FNIP1: variants seen among roughly 807,000 people sequenced by gnomAD.
The protein encoded by FNIP1 is folliculin-interacting protein 1.
A neutral mutation model predicts 124.5 loss-of-function variants in FNIP1; 40 were observed. That is an observed-to-expected ratio of 0.32 (90% CI 0.25 to 0.42). The LOEUF (loss-of-function observed/expected upper bound fraction) is 0.42, where lower values mean the gene tolerates loss of function less well. Among genes scored for constraint, FNIP1 ranks in the 10% least tolerant of loss-of-function variants. The pLI, the probability that FNIP1 is intolerant of heterozygous loss-of-function variation, is 1.00. For missense variants in FNIP1, 1,176 were observed against 1,403.7 expected (o/e 0.84, Z 2.59); for synonymous variants, 472 against 470.6 (o/e 1.00, Z -0.04).
At chr5:131,646,998 C>T in intron 17 of FNIP1, 92 bp downstream of exon 17, 2 of 1,045,342 alleles carry the variant, frequency 1.9e-6, no homozygotes, top group Non-Finnish European at 3.0e-6. Flanking sequence ...TAGGAGAAGA[C>T]ACGTAAAAGG....
chr5:131,651,512 T>C (rs576361372), intron 16 of FNIP1, among the ~76,000 whole-genome samples: 3 of 152,338 alleles, frequency 2.0e-5, no homozygotes, highest in East Asian at 1.9e-4. Flanking sequence ...GGCAGACAGC[T>C]GTTTTCTCAC....
chr5:131,716,536 A>G (rs764672453), intron 6 of FNIP1, 29 bp downstream of exon 6: 1 of 1,456,762 alleles, frequency 6.9e-7, no homozygotes, highest in South Asian at 1.2e-5. Context: ...AGTATTTTTT[A>G]AACTTATAAA....
chr5:131,788,571 C>T (rs1036123770), intron 1 of FNIP1, among the ~76,000 whole-genome samples: 6 of 151,688 alleles, frequency 4.0e-5, no homozygotes, highest in African/African-American at 1.2e-4. Flanking sequence ...CGTGGTGGCA[C>T]GTGCCTGTAA....
Position 131,672,910 on chromosome 5 carries a change from C to T in FNIP1, c.1534G>A (p.Ala512Thr), listed in dbSNP as rs575638728. 1.5e-5 allele frequency: 23 copies of T among 1,549,480 alleles called. No individual in the cohort carries two copies. Among genetic ancestry groups the T allele is most frequent in the Admixed American group, 1.3e-4 (6 of 47,518 alleles). Reference sequence around the variant, plus strand: ...GCTAACCGTACGGGAGAGCCAATAGCGCCATACAAGTCTCCTGTAATGGAA... The same window carrying T: ...GCTAACCGTACGGGAGAGCCAATAGTGCCATACAAGTCTCCTGTAATGGAA... ...LWAQLGDLYG[A>T]IGSPVRLART... is the part of the protein sequence containing the mutation. The change falls in exon 14 of 18, where the codon GCT (alanine) becomes ACT (threonine). Residue 512 changes from alanine to threonine, a missense_variant. By Grantham distance (58) the Ala-to-Thr change is moderately conservative. Coordinates refer to ENST00000510461, the MANE Select transcript of FNIP1 (RefSeq NM_133372.3).
At chr5:131,768,979 C>T (rs922344358) in intron 1 of FNIP1, among the ~76,000 whole-genome samples, 8 of 151,798 alleles carry the variant, frequency 5.3e-5, no homozygotes, top group African/African-American at 1.5e-4. Flanking sequence ...TAGAGAATAC[C>T]GTTAACTATA....
At chr5:131,713,919 G>T (rs1163640343) in intron 6 of FNIP1, among the ~76,000 whole-genome samples, 1 of 152,170 alleles carries the variant, frequency 6.6e-6, no homozygotes, top group Non-Finnish European at 1.5e-5. Context: ...CCACTTATCT[G>T]AATCCATTCC....
chr5:131,693,344 A>ATATATATATG (rs1580760511), intron 11 of FNIP1, among the ~76,000 whole-genome samples: 1 of 130,562 alleles, frequency 7.7e-6, no homozygotes, highest in Non-Finnish European at 1.6e-5. Flanking sequence ...ATATATATAT[A>ATATATATATG]TATATATATA....
At chr5:131,731,961 C>CTAA (rs1276374289) in intron 2 of FNIP1, among the ~76,000 whole-genome samples, 2 of 152,168 alleles carry the variant, frequency 1.3e-5, no homozygotes, top group African/African-American at 4.8e-5. Context: ...TGAGAATATA[C>CTAA]TAATGTAATA....
intron 1 of FNIP1, among the ~76,000 whole-genome samples, chr5:131,783,057 T>C (rs889408489): frequency 1.3e-5 from 2 of 152,252 alleles, no homozygotes; most frequent in African/African-American, 4.8e-5. Flanking sequence ...GTAGTGTAAA[T>C]GTAACTTTTA....
At chr5:131,762,957 G>A (rs772604606) in intron 1 of FNIP1, among the ~76,000 whole-genome samples, 2 of 152,106 alleles carry the variant, frequency 1.3e-5, no homozygotes, top group Non-Finnish European at 2.9e-5. Flanking sequence ...AATTGTGGGA[G>A]CTAAAAATTA....
chr5:131,655,342 AAAAC>A (rs969510285), intron 15 of FNIP1, among the ~76,000 whole-genome samples: 4 of 152,170 alleles, frequency 2.6e-5, no homozygotes, highest in Non-Finnish European at 4.4e-5. Context: ...GACCCATCTC[AAAAC>A]AAACAAACAA....
intron 15 of FNIP1, among the ~76,000 whole-genome samples, chr5:131,656,907 C>T (rs1311752674): frequency 6.6e-6 from 1 of 151,956 alleles, no homozygotes; most frequent in Non-Finnish European, 1.5e-5. Context: ...GAGCTGCTAA[C>T]CTCTGGACCT....
At chr5:131,770,118 A>G (rs1005485177) in intron 1 of FNIP1, among the ~76,000 whole-genome samples, 10 of 152,174 alleles carry the variant, frequency 6.6e-5, no homozygotes, top group Non-Finnish European at 1.5e-4. Context: ...CTGCTATTTC[A>G]GACAAGTCCA....
intron 6 of FNIP1, among the ~76,000 whole-genome samples, chr5:131,711,784 C>T (rs565853655): frequency 7.2e-4 from 110 of 152,348 alleles, no homozygotes; most frequent in Admixed American, 2.8e-3. Context: ...GCATGAGCCA[C>T]TGTATCCAGC....
chr5:131,671,847 A>G lies in FNIP1; in HGVS notation c.2597T>C (p.Met866Thr), dbSNP rs1184938316. 4 of 1,614,096 alleles carry G rather than the reference A, an allele frequency of 2.5e-6. No homozygotes were observed. Among genetic ancestry groups the G allele is most frequent in the Non-Finnish European group, 2.5e-6 (3 of 1,180,006 alleles). Residue 866 changes from methionine (M) to threonine (T), a missense_variant, in exon 14 of 18, where the codon ATG (methionine) becomes ACG (threonine). Physicochemically the swap from Met to Thr is moderately conservative, Grantham distance 81. Around this residue, in one of 2 missense-constraint regions of FNIP1, gnomAD observed 1,109 missense variants for 1,288.5 expected, o/e 0.86. Transcript: ENST00000510461. ...TSTDSKDHCCMLEFSKILCTK... is the reference protein window; with the variant it reads ...TSTDSKDHCCTLEFSKILCTK... ...ACACAATATTTTTGAAAACTCTAAC[A>G]TACAGCAATGGTCTTTACTATCTGT...
intron 1 of FNIP1, among the ~76,000 whole-genome samples, chr5:131,766,255 T>G (rs151243670): frequency 0.011 from 1,722 of 152,188 alleles, 22 homozygotes; most frequent in African/African-American, 0.039. Context: ...TGGCCCAGGC[T>G]GGTCTCAAAC....
At chr5:131,705,988 G>T (rs1174959930) in intron 9 of FNIP1, among the ~76,000 whole-genome samples, 1 of 152,000 alleles carries the variant, frequency 6.6e-6, no homozygotes, top group Admixed American at 6.5e-5. Context: ...ATGAAATAAG[G>T]CAGACACAAA....
At chr5:131,750,551 CTA>C (rs1770836741) in intron 1 of FNIP1, among the ~76,000 whole-genome samples, 2 of 151,026 alleles carry the variant, frequency 1.3e-5, no homozygotes, top group Admixed American at 6.6e-5. Flanking sequence ...AGTCAATAGA[CTA>C]TGATAGAAGG....
intron 15 of FNIP1, among the ~76,000 whole-genome samples, chr5:131,668,654 C>T (rs1470530516): frequency 2.0e-5 from 3 of 152,142 alleles, no homozygotes; most frequent in Admixed American, 2.0e-4. Context: ...CACTGTACTC[C>T]AGCCTGGGTA....
Sources: allele counts gnomAD v4.1 joint callset (sites outside exome capture counted in the v4.1 genomes callset), GRCh38; gene constraint gnomAD v4.1.1; regional missense constraint gnomAD v4.1.1; transcripts MANE v1.5; gene names NCBI Gene and HGNC (gene_info 2026-07-23, HGNC 2026-07-21).